The following DISP1 variants were observed in gnomAD, a reference collection of about 807,000 sequenced individuals.
The protein encoded by DISP1 is dispatched RND transporter family member 1.
DISP1 carries 30 observed loss-of-function variants against 37.3 expected under a neutral mutation model. That is an observed-to-expected ratio of 0.80 (90% CI 0.60 to 1.09). The LOEUF is 1.09. DISP1 is among the 50% of genes least tolerant of loss of function. DISP1 has a pLI of 0.00. For synonymous variants in DISP1, 634 were observed against 690.2 expected (o/e 0.92, Z 1.28); for missense variants, 1,598 against 1,879.5 (o/e 0.85, Z 2.77).
At chr1:222,886,093 T>C (rs1401373358) in intron 1 of DISP1, among the ~76,000 whole-genome samples, 2 of 152,178 alleles carry the variant, frequency 1.3e-5, no homozygotes, top group Non-Finnish European at 2.9e-5. Context: ...ATGTCTATCA[T>C]GGGGAGACAA....
At chr1:222,943,651 G>C in intron 3 of DISP1, 1 of 399,548 alleles carries the variant, frequency 2.5e-6, no homozygotes. Flanking sequence ...ATTGTACATG[G>C]GAAGCATATT....
chr1:222,891,050 T>G (rs1006143509), intron 1 of DISP1, among the ~76,000 whole-genome samples: 2 of 152,008 alleles, frequency 1.3e-5, no homozygotes, highest in African/African-American at 4.8e-5. Context: ...CTTCAATATA[T>G]GAATTTGAGG....
At chr1:222,979,672 G>A (rs1190505626) in intron 3 of DISP1, 1 of 470,946 alleles carries the variant, frequency 2.1e-6, no homozygotes, top group East Asian at 7.0e-5. Flanking sequence ...ATGTGAACGT[G>A]TTCACTGAAA....
intron 1 of DISP1, among the ~76,000 whole-genome samples, chr1:222,888,239 G>A (rs77076097): frequency 2.6e-5 from 4 of 152,222 alleles, no homozygotes; most frequent in Admixed American, 6.5e-5. Context: ...AGAAAGTCTC[G>A]CTAGTAATTT....
chr1:222,844,339 A>G lies in DISP1; in HGVS notation c.-159+29261A>G, dbSNP rs564119623. Among the ~76,000 whole-genome samples, 6 of 152,302 alleles carry G rather than the reference A, an allele frequency of 3.9e-5. No individual in the cohort carries two copies. In the South Asian group the frequency reaches 1.2e-3, roughly 32 times the overall value. ...GAAAACAGGAGTTTAGTATTTTTAT[A>G]GGGAAAGAATATGATGGCTAATTTA... On this transcript the variant is annotated intron_variant, in intron 1 of 8. Coordinates refer to ENST00000675850, the MANE Select transcript of DISP1 (RefSeq NM_001377229.1).
At chr1:222,951,366 C>CAA (rs11296425) in intron 3 of DISP1, among the ~76,000 whole-genome samples, 277 of 145,660 alleles carry the variant, frequency 1.9e-3, no homozygotes, top group African/African-American at 6.5e-3. Context: ...TCTTTTAAAA[C>CAA]AAAAAAAAAA....
At chr1:223,001,057 C>T (rs1679407491) in intron 8 of DISP1, among the ~76,000 whole-genome samples, 1 of 152,098 alleles carries the variant, frequency 6.6e-6, no homozygotes, top group Non-Finnish European at 1.5e-5. Context: ...CTTATTCTCA[C>T]CTCAGAGAAG....
chr1:222,819,438 T>A (rs192360728), intron 1 of DISP1, among the ~76,000 whole-genome samples: 1 of 152,004 alleles, frequency 6.6e-6, no homozygotes, highest in East Asian at 1.9e-4. Flanking sequence ...GAATGGAAAA[T>A]GGACAATTTA....
intron 1 of DISP1, among the ~76,000 whole-genome samples, chr1:222,898,264 A>G (rs549400456): frequency 6.6e-6 from 1 of 152,296 alleles, no homozygotes; most frequent in East Asian, 1.9e-4. Flanking sequence ...TGTCTTTTTC[A>G]GAAGTGGTAA....
chr1:222,922,402 A>G, intron 1 of DISP1, among the ~76,000 whole-genome samples: 1 of 152,180 alleles, frequency 6.6e-6, no homozygotes, highest in East Asian at 1.9e-4. Flanking sequence ...CTAAGAAAGT[A>G]GCAGAGGAAA....
rs1673933612 is a variant in DISP1, at chr1:222,936,929, TGTA to T, written c.-17-5877_-17-5875del. Among the ~76,000 whole-genome samples, 8 of 68,474 alleles carry T rather than the reference TGTA, an allele frequency of 1.2e-4. No homozygotes were observed. The East Asian group carries it at 1.5e-3, about 13-fold the overall frequency. 44.9% of individuals were successfully genotyped at this position (68,474 alleles called of 152,430 possible). ...ATAATATATTATATATTATATAATATGTAATATATATTATATATTACATATTAT... is the reference window on the plus strand; with the variant it reads ...ATAATATATTATATATTATATAATATATATATATTATATATTACATATTAT... On this transcript the variant is annotated intron_variant, in intron 2 of 8. Coordinates refer to ENST00000675850, the MANE Select transcript of DISP1 (RefSeq NM_001377229.1).
chr1:222,892,683 G>A (rs1276949735), intron 1 of DISP1, among the ~76,000 whole-genome samples: 1 of 152,212 alleles, frequency 6.6e-6, no homozygotes, highest in Non-Finnish European at 1.5e-5. Flanking sequence ...TGATCACAGT[G>A]TGGCTATGGA....
chr1:222,934,180 A>G (rs1673575077), intron 2 of DISP1, among the ~76,000 whole-genome samples: 1 of 152,052 alleles, frequency 6.6e-6, no homozygotes, highest in Non-Finnish European at 1.5e-5. Context: ...GCATTGCTCT[A>G]GAGGCATCTT....
intron 1 of DISP1, among the ~76,000 whole-genome samples, chr1:222,919,661 T>G (rs533323254): frequency 6.6e-6 from 1 of 152,350 alleles, no homozygotes; most frequent in Non-Finnish European, 1.5e-5. Context: ...AACAAATTTC[T>G]GAAGCTAGAT....
chr1:222,870,731 T>G (rs918275483), intron 1 of DISP1, among the ~76,000 whole-genome samples: 1 of 152,200 alleles, frequency 6.6e-6, no homozygotes, highest in African/African-American at 2.4e-5. Context: ...TTTCTCCCAT[T>G]CTATAGGTTG....
At chr1:222,896,139 C>T (rs990844373) in intron 1 of DISP1, among the ~76,000 whole-genome samples, 14 of 151,336 alleles carry the variant, frequency 9.3e-5, no homozygotes, top group African/African-American at 2.4e-4. Context: ...AGGGAGACAC[C>T]GTCTCTACAA....
chr1:222,952,776 G>A (rs1675317702), intron 3 of DISP1, among the ~76,000 whole-genome samples: 2 of 152,286 alleles, frequency 1.3e-5, no homozygotes, highest in African/African-American at 4.8e-5. Flanking sequence ...CTTGAACCTG[G>A]GCGGTGGTTG....
At chr1:222,862,872 C>G (rs1214531844) in intron 1 of DISP1, among the ~76,000 whole-genome samples, 1 of 152,098 alleles carries the variant, frequency 6.6e-6, no homozygotes, top group Non-Finnish European at 1.5e-5. Context: ...TGTCTGGTAC[C>G]CAATCCAGGA....
chr1:222,893,396 A>C lies in DISP1; in HGVS notation c.-158-35034A>C, dbSNP rs1331231490. ...AGCACTGCTTGTGCCTGCTGGCCTC[A>C]TTCCGCCCACTCGACCTGGCAGGCT... On this transcript the variant is annotated intron_variant, in intron 1 of 8. Coordinates refer to ENST00000675850, the MANE Select transcript of DISP1 (RefSeq NM_001377229.1). The surrounding 1 kb of genome is among the most constrained non-coding windows in gnomAD (Gnocchi z 4.3). Among the ~76,000 whole-genome samples, 1 of 152,204 alleles carries C rather than the reference A, an allele frequency of 6.6e-6. No individual in the cohort carries two copies. The highest frequency in any genetic ancestry group is 1.5e-5 in the Non-Finnish European group (1 of 68,036).
Sources: allele counts gnomAD v4.1 joint callset (sites outside exome capture counted in the v4.1 genomes callset), GRCh38; gene constraint gnomAD v4.1.1; non-coding constraint Gnocchi (gnomAD v3.1); transcripts MANE v1.5; gene names NCBI Gene and HGNC (gene_info 2026-07-23, HGNC 2026-07-21).